CATSPERD: variants seen among roughly 807,000 people sequenced by gnomAD.
The protein encoded by CATSPERD is cation channel sperm-associated auxiliary subunit delta.
A neutral mutation model predicts 98.1 loss-of-function variants in CATSPERD; 86 were observed. The observed-to-expected ratio is 0.88, with a 90% confidence interval of 0.74 to 1.05. The LOEUF is 1.05. Among genes scored for constraint, CATSPERD ranks in the 50% least tolerant of loss-of-function variants. The probability of loss-of-function intolerance (pLI) is 0.00; values close to 1 mark genes in which losing one functional copy is unlikely to be tolerated. For missense variants in CATSPERD, 995 were observed against 1,005.7 expected (o/e 0.99, Z 0.14); for synonymous variants, 394 against 390.2 (o/e 1.01, Z -0.12).
At chr19:5,732,919 C>A (rs1035789782) in intron 4 of CATSPERD, among the ~76,000 whole-genome samples, 1 of 151,974 alleles carries the variant, frequency 6.6e-6, no homozygotes. Flanking sequence ...TTGAGTGATC[C>A]GCCTGCCTTG....
rs141650365 is a variant in CATSPERD, at chr19:5,721,007, T to A, written c.71+199T>A. On this transcript the variant is annotated intron_variant, in intron 1 of 21. Transcript: ENST00000381624. ...ATTAAGCTCTCCTACCTCTTTTTTT[T>A]TTTTTTTTTGAGACGGAGTCTCGCT... Among the ~76,000 whole-genome samples, 1,151 of 151,214 alleles carry A rather than the reference T, an allele frequency of 7.6e-3. 23 individuals are homozygous for A. The highest frequency in any genetic ancestry group is 0.026 in the African/African-American group (1,072 of 41,306).
In CATSPERD at chr19:5,772,952, T is replaced by C; in HGVS notation, c.1928T>C (p.Phe643Ser). ...TMIKEFGGPF[F>S]WNRENYVSCH... ...ATAAAGGAATTCGGGGGGCCCTTCT[T>C]CTGGAACAGAGAGGTAACAGGACCC... is the stretch of plus-strand genomic sequence containing the variant. The change falls in exon 20 of 22, where the codon TTC becomes TCC. Residue 643 changes from phenylalanine (F) to serine (S), a missense_variant. By Grantham distance (155) the Phe-to-Ser change is radical. Around this residue, in one of 3 missense-constraint regions of CATSPERD, gnomAD observed 762 missense variants for 773.7 expected, o/e 0.98. Transcript: ENST00000381624. 6.2e-7 allele frequency: 1 copy of C among 1,613,858 alleles called. No homozygotes were observed. The highest frequency in any genetic ancestry group is 8.5e-7 in the Non-Finnish European group (1 of 1,179,914).
chr19:5,777,730 C>T (rs1599607156), intron 21 of CATSPERD, among the ~76,000 whole-genome samples: 1 of 151,682 alleles, frequency 6.6e-6, no homozygotes, highest in East Asian at 1.9e-4. Flanking sequence ...TAAAAATTAG[C>T]CAGGTGTGAT....
chr19:5,724,035 C>T (rs1018470115), intron 1 of CATSPERD, among the ~76,000 whole-genome samples: 2 of 152,094 alleles, frequency 1.3e-5, no homozygotes, highest in Non-Finnish European at 2.9e-5. Flanking sequence ...TCAGGTGATC[C>T]ACCCGCTTTG....
In CATSPERD at chr19:5,772,365, T is replaced by C. The variant is rs375838359; in HGVS notation, c.1764-423T>C. The C allele has an allele frequency of 3.1e-3, 774 of 251,966 alleles. 23 individuals carry two copies. The East Asian group carries it at 0.076, about 25-fold the overall frequency. 15.6% of individuals were successfully genotyped at this position (251,966 alleles called of 1,614,324 possible). ...GCCTCAGCCTCCCGAGTAGCTGGGATTACAGGCGCCCGCCACTGCGCCCGG... is the reference window on the plus strand; with the variant it reads ...GCCTCAGCCTCCCGAGTAGCTGGGACTACAGGCGCCCGCCACTGCGCCCGG... On this transcript the variant is annotated intron_variant, in intron 19 of 21. Coordinates refer to ENST00000381624, the MANE Select transcript of CATSPERD (RefSeq NM_152784.4).
intron 1 of CATSPERD, among the ~76,000 whole-genome samples, chr19:5,721,165 A>AT (rs74173063): frequency 1.5e-4 from 23 of 150,038 alleles, no homozygotes; most frequent in Middle Eastern, 6.9e-3. Context: ...CGCCCGGCTA[A>AT]TTTTTTTTTG....
At chr19:5,767,484 T>C (rs540188033) in intron 17 of CATSPERD, among the ~76,000 whole-genome samples, 3 of 151,298 alleles carry the variant, frequency 2.0e-5, no homozygotes, top group Admixed American at 6.6e-5. Context: ...TGCCCTCCCT[T>C]TTATATATTA....
chr19:5,734,083 A>G lies in CATSPERD; in HGVS notation c.391+113A>G, dbSNP rs2055791029. The G allele has an allele frequency of 1.4e-5, 9 of 651,620 alleles. No homozygotes were observed. In the South Asian group the frequency reaches 1.6e-4, roughly 12 times the overall value. 40.4% of individuals were successfully genotyped at this position (651,620 alleles called of 1,614,324 possible). ...CCTACTTGGATGTCAACCCCAGGAC[A>G]TTACTTTGTCCTTTCCAACCAAAAT... On this transcript the variant is annotated intron_variant, in intron 5 of 21. Coordinates refer to ENST00000381624, the MANE Select transcript of CATSPERD (RefSeq NM_152784.4).
intron 20 of CATSPERD, among the ~76,000 whole-genome samples, chr19:5,774,460 A>G (rs2056705331): frequency 6.6e-6 from 1 of 151,472 alleles, no homozygotes; most frequent in South Asian, 2.1e-4. Context: ...TGGGAGGCCA[A>G]GGTGGGCAGA....
intron 15 of CATSPERD, among the ~76,000 whole-genome samples, chr19:5,762,590 T>C (rs2056461132): frequency 6.6e-6 from 1 of 151,938 alleles, no homozygotes; most frequent in Admixed American, 6.6e-5. Flanking sequence ...GATGGACGGA[T>C]GGTTGGGTGG....
rs752586270 is a variant in CATSPERD at position 5,733,959 on chromosome 19, G to C, written c.380G>C (p.Ser127Thr). The change falls in exon 5 of 22, where the codon AGC becomes ACC. Residue 127 changes from serine to threonine, a missense_variant. This residue lies in a region of CATSPERD where 228 missense variants were observed against 209.6 expected (regional missense o/e 1.09). Coordinates refer to ENST00000381624, the MANE Select transcript of CATSPERD (RefSeq NM_152784.4). The part of the protein sequence containing the change: ...YIYDYENNSW[S>T]MSLGIKHPVT... ...TATGATTATGAAAATAATTCTTGGA[G>C]CATGTCTTTAGGTATGTACATTTTG... 1 of 1,592,192 alleles carries C rather than the reference G, an allele frequency of 6.3e-7. No individual in the cohort carries two copies. Among genetic ancestry groups the C allele is most frequent in the Non-Finnish European group, 8.6e-7 (1 of 1,164,342 alleles).
At chr19:5,746,606 T>G (rs1055994465) in intron 9 of CATSPERD, among the ~76,000 whole-genome samples, 18 of 151,800 alleles carry the variant, frequency 1.2e-4, no homozygotes, top group Non-Finnish European at 2.2e-4. Flanking sequence ...TTTTTTTTTT[T>G]GTATTTTTAG....
chr19:5,749,085 G>C lies in CATSPERD; in HGVS notation c.905-16G>C. ...AGCATTTCAATTTTTGTTTTGTCTT[G>C]TTTTGTTTTTCCCAGCTGAAAATGA... On this transcript the variant is annotated splice_polypyrimidine_tract_variant and intron_variant, in intron 10 of 21. Coordinates refer to ENST00000381624, the MANE Select transcript of CATSPERD (RefSeq NM_152784.4). 6.2e-7 allele frequency: 1 copy of C among 1,608,820 alleles called. No homozygotes were observed. Among genetic ancestry groups the C allele is most frequent in the Non-Finnish European group, 8.5e-7 (1 of 1,176,666 alleles).
At chr19:5,754,060 C>T (rs552716070) in intron 12 of CATSPERD, 72 bp from the exon 13 acceptor site, 3 of 1,039,148 alleles carry the variant, frequency 2.9e-6, no homozygotes, top group African/African-American at 3.1e-5. Flanking sequence ...TCCCTTCCTC[C>T]TTCCCACCTC....
intron 7 of CATSPERD, 95 bp from the exon 8 acceptor site, chr19:5,744,332 C>CT (rs2056054599): frequency 9.2e-7 from 1 of 1,092,344 alleles, no homozygotes; most frequent in Admixed American, 2.1e-5. Context: ...AAAGACTTTC[C>CT]TTCATTGTAA....
At chr19:5,762,058 A>ATATTT in intron 15 of CATSPERD, among the ~76,000 whole-genome samples, 2 of 10,438 alleles carry the variant, frequency 1.9e-4, no homozygotes, top group African/African-American at 6.6e-4. Flanking sequence ...ATATATATAT[A>ATATTT]TTTTTTTTTT....
chr19:5,753,947 G>A (rs2145793731), intron 12 of CATSPERD, among the ~76,000 whole-genome samples, 185 bp from the exon 13 acceptor site: 1 of 152,188 alleles, frequency 6.6e-6, no homozygotes, highest in East Asian at 1.9e-4. Flanking sequence ...GGAGAGGAGG[G>A]AGGGGCTGGC....
intron 1 of CATSPERD, among the ~76,000 whole-genome samples, chr19:5,721,610 G>C (rs2055479861): frequency 6.6e-6 from 1 of 152,146 alleles, no homozygotes; most frequent in Admixed American, 6.6e-5. Context: ...AGGGTGTATG[G>C]CCTCATTTGA....
At chr19:5,759,061 G>A in intron 14 of CATSPERD, 25 bp from the exon 15 acceptor site, 1 of 1,611,188 alleles carries the variant, frequency 6.2e-7, no homozygotes, top group Non-Finnish European at 8.5e-7. Flanking sequence ...GGATACACTT[G>A]GGATTTTCTC....
Sources: gnomAD v4.1 joint callset for allele counts (sites outside exome capture counted in the v4.1 genomes callset) on GRCh38, gnomAD v4.1.1 for gene constraint, gnomAD v4.1.1 regional missense constraint, MANE v1.5 for transcripts, NCBI Gene and HGNC (gene_info 2026-07-23, HGNC 2026-07-21) for gene names.